The following MAST2 variants were observed in gnomAD, a reference collection of about 807,000 sequenced individuals.
MAST2 encodes microtubule associated serine/threonine kinase 2.
Under a neutral mutation model 147.4 loss-of-function variants are expected in MAST2, and 70 were observed. The observed-to-expected ratio is 0.47, with a 90% CI of 0.39 to 0.58. The LOEUF (loss-of-function observed/expected upper bound fraction) is 0.58. MAST2 is among the 20% of genes least tolerant of loss of function. The pLI, the probability that MAST2 is intolerant of heterozygous loss-of-function variation, is 0.00. For synonymous variants in MAST2, 869 were observed against 896.8 expected (o/e 0.97, Z 0.55); for missense variants, 2,080 against 2,302.3 (o/e 0.90, Z 1.98).
chr1:45,932,541 C>CAGG (rs1655475194), intron 4 of MAST2, among the ~76,000 whole-genome samples: 1 of 152,050 alleles, frequency 6.6e-6, no homozygotes, highest in Non-Finnish European at 1.5e-5. Flanking sequence ...GGCGTGGTGG[C>CAGG]TCACGCCTGT....
chr1:45,852,591 G>C (rs935268004), intron 3 of MAST2, among the ~76,000 whole-genome samples: 2 of 149,418 alleles, frequency 1.3e-5, no homozygotes, highest in African/African-American at 4.9e-5. Flanking sequence ...GACTGGTCTC[G>C]AACTCCTGGG....
intron 4 of MAST2, among the ~76,000 whole-genome samples, chr1:45,895,033 C>T (rs1297540461): frequency 6.6e-6 from 1 of 152,162 alleles, no homozygotes; most frequent in Admixed American, 6.6e-5. Flanking sequence ...TTTCTTACCC[C>T]CAAATATTCC....
chr1:46,025,803 T>G lies in MAST2; in HGVS notation c.1907T>G (p.Leu636Arg). ...AACTATGGCATCGTGCACCGTGACC[T>G]CAAGCCTGACAAGTATGTCCACAGT... ...LHNYGIVHRD[L>R]KPDNLLITSM... Residue 636 changes from leucine (L) to arginine (R), a missense_variant, in exon 16 of 29, where the codon CTC becomes CGC. Around this residue, in one of 4 missense-constraint regions of MAST2, gnomAD observed 209 missense variants for 309.5 expected, o/e 0.68. Transcript: ENST00000361297. 1 of 1,614,196 alleles carries G rather than the reference T, an allele frequency of 6.2e-7. No homozygotes were observed. Among genetic ancestry groups the G allele is most frequent in the Non-Finnish European group, 8.5e-7 (1 of 1,180,034 alleles).
chr1:45,935,057 G>T (rs745692042), intron 4 of MAST2, among the ~76,000 whole-genome samples: 15 of 152,172 alleles, frequency 9.9e-5, no homozygotes, highest in Non-Finnish European at 1.9e-4. Context: ...AGTCTCGCCA[G>T]CATCCATTAT....
intron 4 of MAST2, chr1:45,913,949 C>A: frequency 9.6e-7 from 1 of 1,043,590 alleles, no homozygotes; most frequent in Non-Finnish European, 1.2e-6. Flanking sequence ...ACTAACACAG[C>A]TTCGTTCATT....
chr1:45,811,694 C>T (rs551424562), intron 1 of MAST2, among the ~76,000 whole-genome samples: 37 of 143,224 alleles, frequency 2.6e-4, no homozygotes, highest in Non-Finnish European at 4.4e-4. Flanking sequence ...AGTGCAGTGG[C>T]CTGATCTTGG....
chr1:46,030,176 G>A lies in MAST2; in HGVS notation c.2491G>A (p.Val831Met), dbSNP rs766069854. Residue 831 changes from valine to methionine, a missense_variant, in exon 21 of 29, where the codon GTG becomes ATG. Physicochemically the swap from Val to Met is conservative, Grantham distance 21 (BLOSUM62 1). This residue lies in a region of MAST2 where 1,278 missense variants were observed against 1,304.2 expected (regional missense o/e 0.98). Coordinates refer to ENST00000361297, the MANE Select transcript of MAST2 (RefSeq NM_015112.3). Reference protein sequence around the residue: ...HHMDSEDEEEVSEDGCLEIRQ... With the variant: ...HHMDSEDEEEMSEDGCLEIRQ... ...CATGGACTCGGAGGATGAGGAAGAA[G>A]TGAGTGAGGATGGCTGCCTTGAGAT... 27 of 1,614,126 alleles carry A rather than the reference G, an allele frequency of 1.7e-5. 1 individual carries two copies. The highest frequency in any genetic ancestry group is 2.2e-5 in the Non-Finnish European group (26 of 1,180,048).
chr1:45,984,550 C>A lies in MAST2; in HGVS notation c.593-13174C>A, dbSNP rs917875253. On this transcript the variant is annotated intron_variant, in intron 5 of 28. Transcript: ENST00000361297. Reference sequence around the variant, plus strand: ...TCTTGAACTCTTGGCCTCAAGTGATCCTCCTGCCTCATCCTCCCAAAGTAC... The same window carrying A: ...TCTTGAACTCTTGGCCTCAAGTGATACTCCTGCCTCATCCTCCCAAAGTAC... 2.0e-5 allele frequency among the ~76,000 whole-genome samples: 3 copies of A among 152,136 alleles called. No individual in the cohort carries two copies. The East Asian group carries it at 5.8e-4, about 29-fold the overall frequency.
In MAST2 at chr1:45,895,475, G is replaced by A. The variant is rs145776446; in HGVS notation, c.500+13080G>A. ...GAAAAATTGAAATTAGAAATGTGGA[G>A]ATTCCGTAAACTTCTTTGTTCATCT... On this transcript the variant is annotated intron_variant, in intron 4 of 28. Transcript: ENST00000361297. 2.2e-3 allele frequency among the ~76,000 whole-genome samples: 332 copies of A among 152,240 alleles called. 1 individual carries two copies. Among genetic ancestry groups the A allele is most frequent in the Non-Finnish European group, 3.8e-3 (261 of 68,000 alleles).
At chr1:45,885,718 T>C (rs1647051753) in intron 4 of MAST2, among the ~76,000 whole-genome samples, 1 of 152,196 alleles carries the variant, frequency 6.6e-6, no homozygotes, top group Non-Finnish European at 1.5e-5. Context: ...AATCTTTCCA[T>C]CCATGCATCC....
chr1:45,937,128 A>G (rs1334780275), intron 4 of MAST2, among the ~76,000 whole-genome samples: 1 of 148,204 alleles, frequency 6.7e-6, no homozygotes, highest in African/African-American at 2.5e-5. Flanking sequence ...TAGAAATGAG[A>G]TCTCACTACG....
intron 4 of MAST2, among the ~76,000 whole-genome samples, chr1:45,897,739 G>A (rs980506364): frequency 1.3e-5 from 2 of 152,022 alleles, no homozygotes; most frequent in Non-Finnish European, 2.9e-5. Context: ...AGCCCTGGAA[G>A]CGGAGGTTGC....
At chr1:45,983,063 C>T (rs995186212) in intron 5 of MAST2, among the ~76,000 whole-genome samples, 1 of 152,164 alleles carries the variant, frequency 6.6e-6, no homozygotes, top group Non-Finnish European at 1.5e-5. Flanking sequence ...ATTTCCATCA[C>T]ATATATAGTG....
At chr1:45,888,035 G>GA (rs1275425037) in intron 4 of MAST2, among the ~76,000 whole-genome samples, 1 of 152,210 alleles carries the variant, frequency 6.6e-6, no homozygotes, top group Non-Finnish European at 1.5e-5. Flanking sequence ...GGTGGGATCT[G>GA]AAAATCCTTG....
At chr1:45,935,228 A>AT (rs1570799669) in intron 4 of MAST2, among the ~76,000 whole-genome samples, 1 of 152,056 alleles carries the variant, frequency 6.6e-6, no homozygotes, top group East Asian at 1.9e-4. Context: ...TCTTTTGCCT[A>AT]TTTTTTAATG....
intron 4 of MAST2, among the ~76,000 whole-genome samples, chr1:45,900,196 G>T (rs966089562): frequency 4.3e-3 from 495 of 114,426 alleles, no homozygotes; most frequent in African/African-American, 7.0e-3. Context: ...AAAAAAAAAA[G>T]ATTTACCCTT....
At chr1:45,845,981 C>T (rs768863735) in intron 3 of MAST2, among the ~76,000 whole-genome samples, 6 of 152,128 alleles carry the variant, frequency 3.9e-5, no homozygotes, top group East Asian at 1.9e-4. Context: ...AGGGTGGTCT[C>T]GAACTCCTGA....
Position 46,036,080 on chromosome 1 carries a change from T to C in MAST2, c.*14T>C. The C allele has an allele frequency of 1.3e-6, 2 of 1,587,760 alleles. No individual in the cohort carries two copies. Among genetic ancestry groups the C allele is most frequent in the South Asian group, 1.2e-5 (1 of 86,202 alleles). On this transcript the variant is annotated 3_prime_UTR_variant, in exon 29 of 29. Coordinates refer to ENST00000361297, the MANE Select transcript of MAST2 (RefSeq NM_015112.3). Reference sequence around the variant, plus strand: ...AAGCAAACATAGCAGTTGTTTGCCATTTCTTGCACTCAGACCTGTGTAATA... The same window carrying C: ...AAGCAAACATAGCAGTTGTTTGCCACTTCTTGCACTCAGACCTGTGTAATA...
intron 5 of MAST2, among the ~76,000 whole-genome samples, chr1:45,981,194 C>T (rs1278059784): frequency 6.6e-6 from 1 of 152,106 alleles, no homozygotes; most frequent in Non-Finnish European, 1.5e-5. Context: ...ACCTCAGCCT[C>T]CTGAGTAGCT....
Sources: gnomAD v4.1 joint callset for allele counts (sites outside exome capture counted in the v4.1 genomes callset) on GRCh38, gnomAD v4.1.1 for gene constraint, gnomAD v4.1.1 regional missense constraint, MANE v1.5 for transcripts, NCBI Gene and HGNC (gene_info 2026-07-23, HGNC 2026-07-21) for gene names.